RANBP2: variants seen among roughly 807,000 people sequenced by gnomAD.
The protein encoded by RANBP2 is RAN binding protein 2, also known as E3 SUMO-protein ligase RanBP2.
RANBP2 carries 57 observed loss-of-function variants against 303.6 expected under a neutral mutation model. The observed-to-expected ratio is 0.19, with a 90% CI of 0.15 to 0.23. RANBP2 has a LOEUF of 0.23. Ranked by LOEUF, RANBP2 falls within the 10% of genes least tolerant of loss-of-function variation. RANBP2 has a pLI of 1.00. For synonymous variants in RANBP2, 1,167 were observed against 1,301.5 expected, an observed-to-expected ratio of 0.90 and a Z score of 2.23; for missense variants, 3,138 against 3,780.8, an observed-to-expected ratio of 0.83 and a Z score of 4.46.
the RANBP2 span, among the ~76,000 whole-genome samples, chr2:109,692,296 C>T: frequency 7.7e-5 from 8 of 103,726 alleles, no homozygotes; most frequent in Admixed American, 2.2e-4. Flanking sequence ...AGGCTGGGGG[C>T]GGTGGGGAGG....
At chr2:109,633,107 C>G in the RANBP2 span, among the ~76,000 whole-genome samples, 1 of 151,996 alleles carries the variant, frequency 6.6e-6, no homozygotes. Flanking sequence ...AAAGAACAGA[C>G]AGGGACGGTC....
Position 108,781,527 on chromosome 2 carries a change from G to A in RANBP2, c.8760+98G>A, listed in dbSNP as rs1007116270. ...TCAGGGTATAATTGTTTGCATTTAA[G>A]AATGTTTACTGTTTGAAATGGAAGC... On this transcript the variant is annotated intron_variant, in intron 26 of 28. Coordinates refer to ENST00000283195, the MANE Select transcript of RANBP2 (RefSeq NM_006267.5). 5.2e-6 allele frequency: 6 copies of A among 1,163,012 alleles called. No homozygotes were observed. In the African/African-American group the frequency reaches 9.2e-5, roughly 18 times the overall value. The allele number at this position is 1,163,012 out of a possible 1,614,324, so 72.0% of individuals were successfully genotyped here. A position where few individuals can be genotyped will look rare whatever the true frequency, so the allele number is the denominator to read the frequency against.
chr2:108,822,638 G>A, the RANBP2 span, among the ~76,000 whole-genome samples: 2 of 152,124 alleles, frequency 1.3e-5, no homozygotes, highest in African/African-American at 2.4e-5. Flanking sequence ...CTCAAACCAA[G>A]GAAGGATAAC....
At chr2:109,585,805 C>G in the RANBP2 span, 8 of 1,613,394 alleles carry the variant, frequency 5.0e-6, no homozygotes, top group Non-Finnish European at 6.8e-6. Flanking sequence ...CCAACATGGC[C>G]AGACATAGTC....
At chr2:109,274,253 A>AT in the RANBP2 span, among the ~76,000 whole-genome samples, 13 of 152,148 alleles carry the variant, frequency 8.5e-5, no homozygotes, top group African/African-American at 2.2e-4. Flanking sequence ...ACATGTTATC[A>AT]TTTTTTTTGT....
chr2:109,055,283 G>A, the RANBP2 span, among the ~76,000 whole-genome samples: 1 of 151,508 alleles, frequency 6.6e-6, no homozygotes, highest in Non-Finnish European at 1.5e-5. Flanking sequence ...ACACTTCTTG[G>A]TCAGCTATAT....
At chr2:109,234,260 T>TTA in the RANBP2 span, among the ~76,000 whole-genome samples, 3 of 152,258 alleles carry the variant, frequency 2.0e-5, no homozygotes, top group African/African-American at 7.2e-5. Flanking sequence ...AAACTGTTAC[T>TTA]AAGGATGCCA....
chr2:109,426,173 C>T, the RANBP2 span, among the ~76,000 whole-genome samples: 3 of 152,130 alleles, frequency 2.0e-5, no homozygotes, highest in South Asian at 2.1e-4. Flanking sequence ...CCTCCCAAAG[C>T]GCTGGGATTA....
chr2:109,765,307 G>A, the RANBP2 span, among the ~76,000 whole-genome samples: 1 of 148,184 alleles, frequency 6.7e-6, no homozygotes, highest in African/African-American at 2.5e-5. Flanking sequence ...ACACGTAAGT[G>A]AAACAAGAGC....
At chr2:109,323,110 C>T in the RANBP2 span, among the ~76,000 whole-genome samples, 1 of 152,154 alleles carries the variant, frequency 6.6e-6, no homozygotes, top group African/African-American at 2.4e-5. Flanking sequence ...CCACTGTGCC[C>T]GGGCTCCCAG....
At chr2:109,593,276 G>A in the RANBP2 span, among the ~76,000 whole-genome samples, 1 of 152,148 alleles carries the variant, frequency 6.6e-6, no homozygotes, top group African/African-American at 2.4e-5. Context: ...GTTTGAAATT[G>A]TGGCTTTCTT....
the RANBP2 span, chr2:108,798,513 G>C: frequency 1.2e-6 from 2 of 1,613,746 alleles, no homozygotes; most frequent in East Asian, 2.2e-5. Context: ...CTGCTTTTCA[G>C]ACATGAAAAT....
chr2:109,545,086 A>G, the RANBP2 span: 1 of 985,432 alleles, frequency 1.0e-6, no homozygotes, highest in Non-Finnish European at 1.2e-6. Flanking sequence ...TATTCTGAAA[A>G]TGGGTCTGAA....
chr2:109,479,620 G>GGC, the RANBP2 span, among the ~76,000 whole-genome samples: 2 of 152,192 alleles, frequency 1.3e-5, no homozygotes, highest in African/African-American at 4.8e-5. Context: ...GGCAGCCCAA[G>GGC]GCAAGGGGTC....
the RANBP2 span, among the ~76,000 whole-genome samples, chr2:109,499,796 T>C: frequency 6.6e-6 from 1 of 152,122 alleles, no homozygotes; most frequent in South Asian, 2.1e-4. Flanking sequence ...CTGTCAAACA[T>C]AATCATAGCC....
chr2:109,198,403 G>C, the RANBP2 span, among the ~76,000 whole-genome samples: 2 of 152,230 alleles, frequency 1.3e-5, no homozygotes, highest in Admixed American at 1.3e-4. Flanking sequence ...GTGTGTGCGA[G>C]AGGTAGAGGG....
the RANBP2 span, among the ~76,000 whole-genome samples, chr2:109,179,924 T>G: frequency 6.6e-6 from 1 of 151,396 alleles, no homozygotes; most frequent in South Asian, 2.1e-4. Flanking sequence ...ACGAAAGAAC[T>G]AGGGCTATTA....
At chr2:109,096,624 T>C in the RANBP2 span, among the ~76,000 whole-genome samples, 1 of 152,188 alleles carries the variant, frequency 6.6e-6, no homozygotes, top group Admixed American at 6.5e-5. Context: ...AGGACTCTCA[T>C]GGAGAGCTGA....
the RANBP2 span, among the ~76,000 whole-genome samples, chr2:109,417,658 T>G: frequency 6.6e-6 from 1 of 152,140 alleles, no homozygotes; most frequent in East Asian, 1.9e-4. Context: ...ATTTGAGACT[T>G]GGAGTTACCC....
Sources: allele counts gnomAD v4.1 joint callset (sites outside exome capture counted in the v4.1 genomes callset), GRCh38; gene constraint gnomAD v4.1.1; transcripts MANE v1.5; gene names NCBI Gene and HGNC (gene_info 2026-07-23, HGNC 2026-07-21).